The following BBS5 variants were observed in gnomAD, a reference collection of about 807,000 sequenced individuals.
The protein encoded by BBS5 is Bardet-Biedl syndrome 5, also known as BBSome complex member BBS5.
A neutral mutation model predicts 50.2 loss-of-function variants in BBS5; 39 were observed. That is an observed-to-expected ratio of 0.78 (90% CI 0.60 to 1.01). The LOEUF (loss-of-function observed/expected upper bound fraction) is 1.01, where lower values mean the gene tolerates loss of function less well. Ranked by LOEUF, BBS5 falls within the 50% of genes least tolerant of loss-of-function variation. The probability of loss-of-function intolerance (pLI) is 0.00; values close to 1 mark genes in which losing one functional copy is unlikely to be tolerated. For missense variants in BBS5, 356 were observed against 401.5 expected (o/e 0.89, Z 0.97); for synonymous variants, 134 against 133.1 (o/e 1.01, Z -0.05).
At chr2:169,503,720 A>G (rs973117369) in intron 10 of BBS5, among the ~76,000 whole-genome samples, 4 of 152,216 alleles carry the variant, frequency 2.6e-5, no homozygotes, top group African/African-American at 9.6e-5. Flanking sequence ...TAGCTTTCCT[A>G]TTTCCAAATT....
intron 7 of BBS5, among the ~76,000 whole-genome samples, chr2:169,496,954 TA>T (rs1447432688): frequency 6.6e-6 from 1 of 152,088 alleles, no homozygotes; most frequent in East Asian, 1.9e-4. Context: ...CATGTGACTT[TA>T]AAAAACTAAA....
chr2:169,480,756 A>AC (rs1317724904), intron 1 of BBS5, among the ~76,000 whole-genome samples: 1 of 131,256 alleles, frequency 7.6e-6, no homozygotes, highest in East Asian at 2.3e-4. Flanking sequence ...ATCTCGGCTC[A>AC]CTGCGACCTC....
rs150152332 is a variant in BBS5 at position 169,504,805 on chromosome 2, C to G, written c.*223C>G. 40,990 of 1,559,406 alleles carry G rather than the reference C, an allele frequency of 0.026. 637 individuals are homozygous for G. The highest frequency in any genetic ancestry group is 0.03 in the Non-Finnish European group (34,687 of 1,147,618). The stretch of plus-strand genomic sequence containing the variant: ...ACACATGGCCTAGTAACCGTCCGGC[C>G]GCGGCGCTGGCTTAAGCCATGGCTG... On this transcript the variant is annotated 3_prime_UTR_variant, in exon 12 of 12. Transcript: ENST00000295240.
At chr2:169,487,524 T>A (rs1683507051) in intron 3 of BBS5, among the ~76,000 whole-genome samples, 1 of 152,054 alleles carries the variant, frequency 6.6e-6, no homozygotes, top group South Asian at 2.1e-4. Flanking sequence ...TTTTTAGTAG[T>A]AGTGCCAAAA....
At chr2:169,501,469 T>C (rs571407911) in intron 9 of BBS5, among the ~76,000 whole-genome samples, 10 of 152,296 alleles carry the variant, frequency 6.6e-5, no homozygotes, top group South Asian at 2.1e-4. Context: ...CTTATGCTTG[T>C]AATCCCAGCA....
rs933942371 is a variant in BBS5, at chr2:169,480,241, A to G, written c.59+629A>G. ...AACCTGTTTTTGGAAATTATCATAC[A>G]TTAAATAGAAACCATGTTTTTGGAA... is the stretch of plus-strand genomic sequence containing the variant. On this transcript the variant is annotated intron_variant, in intron 1 of 11. Coordinates refer to ENST00000295240, the MANE Select transcript of BBS5 (RefSeq NM_152384.3). Among the ~76,000 whole-genome samples, 6 of 152,348 alleles carry G rather than the reference A, an allele frequency of 3.9e-5. No individual in the cohort carries two copies. The South Asian group carries it at 1.0e-3, about 26-fold the overall frequency.
chr2:169,479,589 T>A lies in BBS5; in HGVS notation c.36T>A (p.Asp12Glu). 6.2e-7 allele frequency: 1 copy of A among 1,614,164 alleles called. No individual in the cohort carries two copies. Among genetic ancestry groups the A allele is most frequent in the South Asian group, 1.1e-5 (1 of 91,088 alleles). Reference protein sequence around the residue: ...SVLDALWEDRDVRFDLSAQQM... With the variant: ...SVLDALWEDREVRFDLSAQQM... ...TGGATGCGCTTTGGGAGGATCGGGA[T>A]GTCCGTTTCGACCTGTCCGCGCAGT... Residue 12 changes from aspartate to glutamate, a missense_variant, in exon 1 of 12, where the codon GAT becomes GAA. Transcript: ENST00000295240.
chr2:169,481,571 G>T (rs1394867556), intron 1 of BBS5, among the ~76,000 whole-genome samples: 1 of 151,912 alleles, frequency 6.6e-6, no homozygotes, highest in South Asian at 2.1e-4. Flanking sequence ...ATAGGTAGTT[G>T]AGTTGGCTTT....
chr2:169,495,462 C>G (rs1406616010), intron 7 of BBS5, among the ~76,000 whole-genome samples: 1 of 152,176 alleles, frequency 6.6e-6, no homozygotes, highest in Admixed American at 6.5e-5. Context: ...AAACAACTTG[C>G]AATCTGATAT....
At chr2:169,479,748 G>C in intron 1 of BBS5, 136 bp downstream of exon 1, 1 of 1,005,496 alleles carries the variant, frequency 9.9e-7, no homozygotes, top group Admixed American at 2.0e-5. Context: ...CCGGTCGTCC[G>C]CGCCTCGAGA....
chr2:169,493,368 A>G (rs1683637531), intron 6 of BBS5, among the ~76,000 whole-genome samples: 1 of 151,900 alleles, frequency 6.6e-6, no homozygotes, highest in Admixed American at 6.6e-5. Flanking sequence ...TCTTACTACA[A>G]CTCCTTTGCC....
At chr2:169,496,916 C>A (rs1332700256) in intron 7 of BBS5, among the ~76,000 whole-genome samples, 1 of 151,968 alleles carries the variant, frequency 6.6e-6, no homozygotes, top group African/African-American at 2.4e-5. Context: ...AAGAATGTAG[C>A]CATCTATGAT....
At chr2:169,479,693 T>C in intron 1 of BBS5, 81 bp downstream of exon 1, 1 of 1,470,404 alleles carries the variant, frequency 6.8e-7, no homozygotes, top group South Asian at 1.2e-5. Context: ...GGGCGGAGAC[T>C]GCACCTCCGC....
rs199846010 is a variant in BBS5, at chr2:169,499,612, G to A, written c.808G>A (p.Glu270Lys). Residue 270 changes from glutamate to lysine, a missense_variant, in exon 9 of 12, where the codon GAA becomes AAA. Physicochemically the swap from Glu to Lys is moderately conservative, Grantham distance 56. Coordinates refer to ENST00000295240, the MANE Select transcript of BBS5 (RefSeq NM_152384.3). The stretch of plus-strand genomic sequence containing the variant: ...CATATTTGGAGTTGATTATGAGATG[G>A]AAGAAAAGGTAATTTGTTGAGTATG... ...SPIFGVDYEMEEKPQPLEALT... is the reference protein window; with the variant it reads ...SPIFGVDYEMKEKPQPLEALT... 8.1e-6 allele frequency: 13 copies of A among 1,613,878 alleles called. No homozygotes were observed. The highest frequency in any genetic ancestry group is 1.1e-5 in the Non-Finnish European group (13 of 1,179,846).
rs752716123 is a variant in BBS5 at position 169,479,564 on chromosome 2, T to A, written c.11T>A (p.Leu4Gln). The part of the protein sequence containing the change: MSV[L>Q]DALWEDRDVR... ...CGGGCCTTGTTCACCATGTCGGTGC[T>A]GGATGCGCTTTGGGAGGATCGGGAT... The change falls in exon 1 of 12, where the codon CTG becomes CAG. Residue 4 changes from leucine (L) to glutamine (Q), a missense_variant. Coordinates refer to ENST00000295240, the MANE Select transcript of BBS5 (RefSeq NM_152384.3). 3.1e-6 allele frequency: 5 copies of A among 1,614,178 alleles called. No homozygotes were observed. The highest frequency in any genetic ancestry group is 3.3e-4 in the Middle Eastern group (2 of 6,062).
chr2:169,487,638 T>C, intron 3 of BBS5, 168 bp from the exon 4 acceptor site: 1 of 493,456 alleles, frequency 2.0e-6, no homozygotes, highest in Non-Finnish European at 3.5e-6. Context: ...TCTAGTTTTT[T>C]TAATTATTTA....
chr2:169,482,126 A>G, intron 1 of BBS5, 125 bp from the exon 2 acceptor site: 1 of 738,220 alleles, frequency 1.4e-6, no homozygotes, highest in East Asian at 2.5e-5. Flanking sequence ...TAAATGCATG[A>G]ACATTTGGTA....
chr2:169,479,740 G>A (rs1683355307), intron 1 of BBS5, 128 bp downstream of exon 1: 6 of 1,053,230 alleles, frequency 5.7e-6, no homozygotes, highest in Middle Eastern at 2.6e-4. Context: ...GGCTTGCGCC[G>A]GTCGTCCGCG....
chr2:169,486,914 A>G (rs1446208815), intron 2 of BBS5, among the ~76,000 whole-genome samples, 155 bp from the exon 3 acceptor site: 1 of 152,180 alleles, frequency 6.6e-6, no homozygotes, highest in Non-Finnish European at 1.5e-5. Flanking sequence ...TATACCTTAT[A>G]TAGGTTGGAT....
Sources: gnomAD v4.1 joint callset for allele counts (sites outside exome capture counted in the v4.1 genomes callset) on GRCh38, gnomAD v4.1.1 for gene constraint, MANE v1.5 for transcripts, NCBI Gene and HGNC (gene_info 2026-07-23, HGNC 2026-07-21) for gene names.